The following KAT6A variants were observed in gnomAD, a reference collection of about 807,000 sequenced individuals.
The protein encoded by KAT6A is histone acetyltransferase KAT6A.
KAT6A carries 9 observed loss-of-function variants against 198.4 expected under a neutral mutation model. The observed-to-expected ratio is 0.05, with a 90% CI of 0.03 to 0.08. The LOEUF (loss-of-function observed/expected upper bound fraction) is 0.08. Among genes scored for constraint, KAT6A ranks in the 10% least tolerant of loss-of-function variants. The pLI is 1.00. For missense variants in KAT6A, 2,077 were observed against 2,509.9 expected, an observed-to-expected ratio of 0.83 and a Z score of 3.69; for synonymous variants, 890 against 883.0, an observed-to-expected ratio of 1.01 and a Z score of -0.14.
intron 12 of KAT6A, among the ~76,000 whole-genome samples, chr8:41,945,456 G>A (rs1370746839): frequency 6.6e-6 from 1 of 151,726 alleles, no homozygotes; most frequent in African/African-American, 2.4e-5. Context: ...ATTTTTAGTA[G>A]AGACGAGGTT....
chr8:42,001,881 T>C (rs1825510258), intron 2 of KAT6A, among the ~76,000 whole-genome samples: 1 of 152,250 alleles, frequency 6.6e-6, no homozygotes. Flanking sequence ...GTCTCCTACA[T>C]GTATGCAAAG....
intron 2 of KAT6A, among the ~76,000 whole-genome samples, chr8:42,030,810 T>G (rs538273096): frequency 1.1e-4 from 17 of 152,138 alleles, no homozygotes; most frequent in African/African-American, 3.6e-4. Flanking sequence ...ACTCCTGACC[T>G]CAAGTGATCT....
At chr8:41,950,332 A>G (rs1822600971) in intron 9 of KAT6A, among the ~76,000 whole-genome samples, 1 of 152,208 alleles carries the variant, frequency 6.6e-6, no homozygotes, top group Non-Finnish European at 1.5e-5. Flanking sequence ...CACTAAATGT[A>G]TTAACTAAGC....
intron 12 of KAT6A, 69 bp downstream of exon 12, chr8:41,946,522 A>ACC (rs1822402461): frequency 1.3e-6 from 1 of 772,434 alleles, no homozygotes; most frequent in African/African-American, 1.8e-5. Context: ...ACACACACAC[A>ACC]CACACACACA....
chr8:41,963,949 A>G (rs1403661804), intron 8 of KAT6A, among the ~76,000 whole-genome samples: 1 of 152,118 alleles, frequency 6.6e-6, no homozygotes, highest in Non-Finnish European at 1.5e-5. Flanking sequence ...ACTCTTCTCC[A>G]ATAGTAAACT....
At position 41,934,071 on chromosome 8, in the gene KAT6A, G is replaced by A. The variant is rs35760242; in HGVS notation, c.4149C>T (p.Ser1383=). ...SEEEQPSHDT[S]VVSEQMAGSE... ...ACCCAGCCATCTGCTCTGACACCAC[G>A]GACGTGTCATGGGAAGGCTGCTCCT... Residue 1383 remains serine (S), a synonymous_variant, in exon 17 of 17, where the codon TCC becomes TCT. Coordinates refer to ENST00000265713, the MANE Select transcript of KAT6A (RefSeq NM_006766.5). 8.0e-5 allele frequency: 129 copies of A among 1,614,044 alleles called. No homozygotes were observed. The Middle Eastern group carries it at 9.9e-4, about 12-fold the overall frequency.
chr8:42,047,479 G>A (rs1313954441), intron 2 of KAT6A, among the ~76,000 whole-genome samples: 1 of 152,122 alleles, frequency 6.6e-6, no homozygotes, highest in Non-Finnish European at 1.5e-5. Flanking sequence ...AGTGGTGACA[G>A]CATAGCTCAC....
rs1438304825 is a variant in KAT6A, at chr8:41,930,331, T to C, written c.*1874A>G. On this transcript the variant is annotated 3_prime_UTR_variant, in exon 17 of 17. Transcript: ENST00000265713. The stretch of plus-strand genomic sequence containing the variant: ...ATGGCAGCACAGTGCACTTTCTACA[T>C]AGATGACTGGGAACTGGAATAGTAT... 2 of 158,554 alleles carry C rather than the reference T, an allele frequency of 1.3e-5. No homozygotes were observed. Among genetic ancestry groups the C allele is most frequent in the African/African-American group, 2.7e-5 (1 of 37,414 alleles). 9.8% of individuals were successfully genotyped at this position (158,554 alleles called of 1,614,324 possible). A position where few individuals can be genotyped will look rare whatever the true frequency, so the allele number is the denominator to read the frequency against.
In KAT6A at chr8:41,951,747, T is replaced by C. The variant is rs542533354; in HGVS notation, c.1599-2384A>G. ...TTATTATTCTCAGGAATTTCTACAG[T>C]ACCTTCTGGCTTCTGAACATGGCCC... On this transcript the variant is annotated intron_variant, in intron 9 of 16. Coordinates refer to ENST00000265713, the MANE Select transcript of KAT6A (RefSeq NM_006766.5). Among the ~76,000 whole-genome samples the C allele has an allele frequency of 2.0e-5, 3 of 152,350 alleles. No homozygotes were observed. The South Asian group carries it at 6.2e-4, about 32-fold the overall frequency.
intron 2 of KAT6A, among the ~76,000 whole-genome samples, chr8:42,028,416 T>C (rs966075199): frequency 7.2e-5 from 11 of 152,218 alleles, no homozygotes; most frequent in African/African-American, 2.4e-4. Flanking sequence ...GGTGCTCCTA[T>C]ATTGGGTGCG....
rs542590223 is a variant in KAT6A, at chr8:41,947,670, T to C, written c.1902+81A>G. 4.3e-6 allele frequency: 5 copies of C among 1,152,150 alleles called. No individual in the cohort carries two copies. The Admixed American group carries it at 7.3e-5, about 17-fold the overall frequency. The allele number at this position is 1,152,150 out of a possible 1,614,324, so 71.4% of individuals were successfully genotyped here. A position where few individuals can be genotyped will look rare whatever the true frequency, so the allele number is the denominator to read the frequency against. ...GACACCTAGGAGGTGCTGCATCTTG[T>C]TGTGTCCCCGAGTGAGAACCAGCAA... On this transcript the variant is annotated intron_variant, in intron 11 of 16. Coordinates refer to ENST00000265713, the MANE Select transcript of KAT6A (RefSeq NM_006766.5).
intron 2 of KAT6A, among the ~76,000 whole-genome samples, chr8:42,012,119 C>A (rs1286665905): frequency 3.3e-5 from 5 of 152,118 alleles, no homozygotes; most frequent in Admixed American, 2.6e-4. Flanking sequence ...AGTGAGGAGT[C>A]TGAATAAATG....
At chr8:42,038,654 T>C (rs931501187) in intron 2 of KAT6A, among the ~76,000 whole-genome samples, 8 of 152,338 alleles carry the variant, frequency 5.3e-5, no homozygotes, top group African/African-American at 1.7e-4. Flanking sequence ...ATTTCCCTAT[T>C]ATTTGTGAAA....
At chr8:41,947,485 T>C (rs1822455640) in intron 11 of KAT6A, among the ~76,000 whole-genome samples, 1 of 152,224 alleles carries the variant, frequency 6.6e-6, no homozygotes, top group South Asian at 2.1e-4. Flanking sequence ...AGAAGTTCCA[T>C]GTTATTACCA....
intron 8 of KAT6A, chr8:41,957,096 G>A (rs766501112): frequency 1.8e-5 from 11 of 604,076 alleles, no homozygotes; most frequent in East Asian, 3.5e-5. Context: ...TCAGCTGCCC[G>A]CTGCTCTTCT....
At chr8:41,966,076 A>C (rs976613418) in intron 8 of KAT6A, among the ~76,000 whole-genome samples, 4 of 152,196 alleles carry the variant, frequency 2.6e-5, no homozygotes, top group African/African-American at 9.6e-5. Flanking sequence ...TAGTTGGGCA[A>C]GTCACTATCA....
intron 10 of KAT6A, 73 bp from the exon 11 acceptor site, chr8:41,947,985 A>G (rs909118049): frequency 1.6e-6 from 2 of 1,247,446 alleles, no homozygotes; most frequent in Non-Finnish European, 2.2e-6. Flanking sequence ...ATCAGTTAAA[A>G]GCATCTCTAG....
intron 9 of KAT6A, among the ~76,000 whole-genome samples, chr8:41,950,580 C>T (rs899639443): frequency 6.6e-6 from 1 of 152,120 alleles, no homozygotes; most frequent in Non-Finnish European, 1.5e-5. Flanking sequence ...ATTTTGAGAG[C>T]TAAATATTAC....
chr8:42,045,882 G>A (rs1802255057), intron 2 of KAT6A, among the ~76,000 whole-genome samples: 1 of 151,800 alleles, frequency 6.6e-6, no homozygotes, highest in Admixed American at 6.6e-5. Context: ...CTACTCAGGA[G>A]GTTGAGGCAG....
Sources: allele counts gnomAD v4.1 joint callset (sites outside exome capture counted in the v4.1 genomes callset), GRCh38; gene constraint gnomAD v4.1.1; transcripts MANE v1.5; gene names NCBI Gene and HGNC (gene_info 2026-07-23, HGNC 2026-07-21).